LDLRAD4: variants seen among roughly 807,000 people sequenced by gnomAD.
LDLRAD4 encodes the protein low-density lipoprotein receptor class A domain-containing protein 4.
LDLRAD4 carries 5 observed loss-of-function variants against 17.0 expected under a neutral mutation model. The observed-to-expected ratio is 0.29, with a 90% CI of 0.15 to 0.62. The LOEUF (loss-of-function observed/expected upper bound fraction) is 0.62. Ranked by LOEUF, LDLRAD4 falls within the 20% of genes least tolerant of loss-of-function variation. LDLRAD4 has a pLI of 0.84. For synonymous variants in LDLRAD4, 168 were observed against 171.8 expected (o/e 0.98, Z 0.17); for missense variants, 340 against 424.7 (o/e 0.80, Z 1.75).
At chr18:13,280,845 C>T (rs1599090198) in intron 1 of LDLRAD4, among the ~76,000 whole-genome samples, 1 of 152,182 alleles carries the variant, frequency 6.6e-6, no homozygotes, top group Non-Finnish European at 1.5e-5. Flanking sequence ...GACCAGTGGT[C>T]CCTGTGGGGA....
At chr18:13,439,802 G>A (rs2090907820) in intron 3 of LDLRAD4, among the ~76,000 whole-genome samples, 1 of 152,216 alleles carries the variant, frequency 6.6e-6, no homozygotes, top group South Asian at 2.1e-4. Flanking sequence ...GCAGGCAGCA[G>A]GCCAGAGGGT....
At chr18:13,513,030 G>A (rs2093807031) in intron 3 of LDLRAD4, among the ~76,000 whole-genome samples, 1 of 152,236 alleles carries the variant, frequency 6.6e-6, no homozygotes, top group Non-Finnish European at 1.5e-5. Context: ...CTCAGCAGCA[G>A]TTCCTTTAAA....
intron 1 of LDLRAD4, chr18:13,279,376 G>A (rs1450404352): frequency 6.6e-6 from 1 of 152,220 alleles, no homozygotes; most frequent in Non-Finnish European, 1.5e-5. Flanking sequence ...GAAGTGGGCG[G>A]CGGCAGCGCC....
intron 3 of LDLRAD4, chr18:13,614,740 C>T (rs191361241): frequency 5.3e-5 from 8 of 152,304 alleles, no homozygotes; most frequent in African/African-American, 1.9e-4. Context: ...CACCCGTCTT[C>T]CTGCCACCAC....
chr18:13,645,597 T>C lies in LDLRAD4; in HGVS notation c.861T>C (p.Asn287=). The C allele has an allele frequency of 6.3e-7, 1 of 1,582,696 alleles. No homozygotes were observed. Among genetic ancestry groups the C allele is most frequent in the Non-Finnish European group, 8.6e-7 (1 of 1,165,774 alleles). Residue 287 remains asparagine, a synonymous_variant, in exon 6 of 6, where the codon AAT becomes AAC. Coordinates refer to ENST00000359446, the Ensembl canonical transcript of LDLRAD4. The surrounding 1 kb of genome is among the most constrained non-coding windows in gnomAD (Gnocchi z 5.7). ...GCAGACTGCAGTTTCAGCAGAACAA[T>C]GCAGAGAGCACAATAGTACCCATCA...
intron 1 of LDLRAD4, among the ~76,000 whole-genome samples, chr18:13,290,047 G>T (rs2045876755): frequency 6.6e-6 from 1 of 152,142 alleles, no homozygotes. Flanking sequence ...AACTGTGTGG[G>T]GCTGTACCCT....
rs183049265 is a variant in LDLRAD4, at chr18:13,504,933, C to T, written c.181+66549C>T. On this transcript the variant is annotated intron_variant, in intron 3 of 5. Coordinates refer to ENST00000359446, the Ensembl canonical transcript of LDLRAD4. Reference sequence around the variant, plus strand: ...ACCTTCCCACTAGAGGACACATGCACCGACGAGGGGTGGATGGAGAGGGTG... The same window carrying T: ...ACCTTCCCACTAGAGGACACATGCATCGACGAGGGGTGGATGGAGAGGGTG... Among the ~76,000 whole-genome samples, 369 of 152,224 alleles carry T rather than the reference C, an allele frequency of 2.4e-3. 2 individuals are homozygous for T. The highest frequency in any genetic ancestry group is 7.9e-3 in the African/African-American group (327 of 41,534).
chr18:13,268,228 C>G (rs1183851691), intron 1 of LDLRAD4, among the ~76,000 whole-genome samples: 2 of 152,228 alleles, frequency 1.3e-5, no homozygotes, highest in African/African-American at 4.8e-5. Flanking sequence ...CCTGGACTCT[C>G]TATCCGTTTT....
chr18:13,453,808 C>T lies in LDLRAD4; in HGVS notation c.181+15424C>T, dbSNP rs144114643. ...CCCCTCATTACCTCCCAGCCCCGTC[C>T]CCAGTACTGCTGTGTAATCTGTTCA... is the stretch of plus-strand genomic sequence containing the variant. On this transcript the variant is annotated intron_variant, in intron 3 of 5. Coordinates refer to ENST00000359446, the Ensembl canonical transcript of LDLRAD4. Among the ~76,000 whole-genome samples the T allele has an allele frequency of 7.9e-4, 120 of 152,358 alleles. 1 individual carries two copies. In the East Asian group the frequency reaches 0.019, roughly 24 times the overall value.
At chr18:13,231,113 T>C (rs1260371941) in intron 1 of LDLRAD4, among the ~76,000 whole-genome samples, 1 of 152,216 alleles carries the variant, frequency 6.6e-6, no homozygotes, top group East Asian at 1.9e-4. Flanking sequence ...GAAGGTTCTT[T>C]CCCTGCCTGC....
intron 2 of LDLRAD4, among the ~76,000 whole-genome samples, chr18:13,434,846 G>C (rs890127710): frequency 2.0e-5 from 3 of 152,216 alleles, no homozygotes; most frequent in Non-Finnish European, 4.4e-5. Flanking sequence ...TAAAGAGGAG[G>C]CTTGCTGTAT....
intron 4 of LDLRAD4, among the ~76,000 whole-genome samples, chr18:13,640,199 G>C (rs563707925): frequency 1.3e-5 from 2 of 149,316 alleles, no homozygotes; most frequent in African/African-American, 2.5e-5. Context: ...AGGCTGAGGC[G>C]GGAGAATGGC....
chr18:13,500,803 G>A (rs952270608), intron 3 of LDLRAD4: 1 of 152,158 alleles, frequency 6.6e-6, no homozygotes, highest in African/African-American at 2.4e-5. Context: ...ATCATCGAGG[G>A]AACCAGCTGG....
At chr18:13,463,776 G>A (rs2092523036) in intron 3 of LDLRAD4, among the ~76,000 whole-genome samples, 1 of 152,166 alleles carries the variant, frequency 6.6e-6, no homozygotes. Context: ...CCCGCCTTTA[G>A]GGAGCTGCAG....
intron 1 of LDLRAD4, among the ~76,000 whole-genome samples, chr18:13,337,191 A>G (rs985853895): frequency 1.3e-5 from 2 of 152,204 alleles, no homozygotes; most frequent in Non-Finnish European, 2.9e-5. Flanking sequence ...TCGAAATGAT[A>G]TAAGTCCTGG....
chr18:13,540,284 G>A (rs2094258216), intron 3 of LDLRAD4, among the ~76,000 whole-genome samples: 1 of 152,160 alleles, frequency 6.6e-6, no homozygotes, highest in Non-Finnish European at 1.5e-5. Context: ...GTAAGGCAGA[G>A]TACATTTGCA....
At chr18:13,282,473 C>T (rs2045339961) in intron 1 of LDLRAD4, among the ~76,000 whole-genome samples, 1 of 152,138 alleles carries the variant, frequency 6.6e-6, no homozygotes, top group African/African-American at 2.4e-5. Context: ...GAGAAATTGG[C>T]CAAAACAAAG....
chr18:13,227,068 G>A (rs1395427159), intron 1 of LDLRAD4, among the ~76,000 whole-genome samples: 1 of 152,156 alleles, frequency 6.6e-6, no homozygotes, highest in African/African-American at 2.4e-5. Flanking sequence ...GAAAATTCAT[G>A]ATGGGCAGAC....
intron 1 of LDLRAD4, among the ~76,000 whole-genome samples, chr18:13,258,310 G>A (rs2043615886): frequency 6.6e-6 from 1 of 151,902 alleles, no homozygotes; most frequent in Admixed American, 6.6e-5. Context: ...GAGAATGTTA[G>A]GGTTTTCTTT....
Sources: gnomAD v4.1 joint callset for allele counts (sites outside exome capture counted in the v4.1 genomes callset) on GRCh38, gnomAD v4.1.1 for gene constraint, Gnocchi (gnomAD v3.1) non-coding constraint, MANE v1.5 for transcripts, NCBI Gene and HGNC (gene_info 2026-07-23, HGNC 2026-07-21) for gene names.